Variants in CCSER1 observed in about 807,000 individuals in gnomAD.
The protein encoded by CCSER1 is coiled-coil serine rich protein 1.
Under a neutral mutation model 82.0 loss-of-function variants are expected in CCSER1, and 41 were observed. That is an observed-to-expected ratio of 0.50 (90% CI 0.39 to 0.65). The LOEUF is 0.65. CCSER1 is among the 30% of genes least tolerant of loss of function. CCSER1 has a pLI of 0.00. For missense variants in CCSER1, 1,119 were observed against 1,064.2 expected, an observed-to-expected ratio of 1.05 and a Z score of -0.72; for synonymous variants, 414 against 383.9, an observed-to-expected ratio of 1.08 and a Z score of -0.92.
intron 5 of CCSER1, among the ~76,000 whole-genome samples, chr4:90,567,593 A>C (rs1367325396): frequency 6.9e-6 from 1 of 145,526 alleles, no homozygotes; most frequent in African/African-American, 2.6e-5. Context: ...CCCAGCCAGA[A>C]ATTTTTTTTT....
intron 1 of CCSER1, among the ~76,000 whole-genome samples, chr4:90,208,564 C>T (rs1739363211): frequency 6.6e-6 from 1 of 152,028 alleles, no homozygotes; most frequent in African/African-American, 2.4e-5. Flanking sequence ...AAAAAAACTC[C>T]TGCAGCTAGC....
At chr4:90,410,350 A>G (rs561301916) in intron 4 of CCSER1, among the ~76,000 whole-genome samples, 8 of 152,248 alleles carry the variant, frequency 5.3e-5, no homozygotes, top group East Asian at 1.9e-4. Context: ...ACCACACCAC[A>G]CCTATTCCAA....
chr4:91,342,228 G>A (rs947130177), intron 10 of CCSER1, among the ~76,000 whole-genome samples: 1 of 152,114 alleles, frequency 6.6e-6, no homozygotes, highest in Admixed American at 6.5e-5. Flanking sequence ...ACCCAGAGAG[G>A]TTTACTAAGT....
chr4:90,832,685 T>C (rs1189750999), intron 8 of CCSER1, among the ~76,000 whole-genome samples: 1 of 152,200 alleles, frequency 6.6e-6, no homozygotes, highest in Non-Finnish European at 1.5e-5. Flanking sequence ...TTAGAAATGT[T>C]TGACAATTAA....
chr4:91,123,831 T>C (rs1354014484), intron 10 of CCSER1, among the ~76,000 whole-genome samples: 1 of 151,860 alleles, frequency 6.6e-6, no homozygotes, highest in Non-Finnish European at 1.5e-5. Context: ...CAGATTTATA[T>C]ATTTATGAAA....
At chr4:90,141,047 T>TCTATCTATCTAG (rs1724697133) in intron 1 of CCSER1, among the ~76,000 whole-genome samples, 1 of 151,668 alleles carries the variant, frequency 6.6e-6, no homozygotes, top group African/African-American at 2.4e-5. Context: ...TATCTATCTA[T>TCTATCTATCTAG]CTATCTATCT....
chr4:90,628,783 T>G (rs917635487), intron 6 of CCSER1, among the ~76,000 whole-genome samples: 7 of 152,282 alleles, frequency 4.6e-5, no homozygotes, highest in Non-Finnish European at 1.0e-4. Flanking sequence ...GGAAAATGCA[T>G]AATGAGATTC....
chr4:91,217,432 C>T (rs1737337908), intron 10 of CCSER1, among the ~76,000 whole-genome samples: 2 of 152,218 alleles, frequency 1.3e-5, no homozygotes, highest in Admixed American at 6.5e-5. Context: ...ACAGGTTCTC[C>T]AAGGCCCCAC....
At chr4:91,446,672 A>ATATATATATATATATATAT (rs1553938715) in intron 10 of CCSER1, among the ~76,000 whole-genome samples, 2 of 72,542 alleles carry the variant, frequency 2.8e-5, no homozygotes, top group African/African-American at 2.0e-4. Flanking sequence ...ATTTTAAATA[A>ATATATATATATATATATAT]ATAAATATAT....
At position 90,923,360 on chromosome 4, in the gene CCSER1, C is replaced by T; in HGVS notation, c.2095-10C>T. On this transcript the variant is annotated splice_polypyrimidine_tract_variant and intron_variant, in intron 8 of 10. Coordinates refer to ENST00000509176, the MANE Select transcript of CCSER1 (RefSeq NM_001145065.2). ...CAACAATGTGTTGTTGCTGTTTTTTCATTTTGCAGGGAAAAGTCCGGCATT... is the reference window on the plus strand; with the variant it reads ...CAACAATGTGTTGTTGCTGTTTTTTTATTTTGCAGGGAAAAGTCCGGCATT... 1 of 1,548,694 alleles carries T rather than the reference C, an allele frequency of 6.5e-7. No individual in the cohort carries two copies. Among genetic ancestry groups the T allele is most frequent in the South Asian group, 1.2e-5 (1 of 83,974 alleles).
intron 10 of CCSER1, among the ~76,000 whole-genome samples, chr4:91,483,644 C>T (rs1758065278): frequency 6.6e-6 from 1 of 152,072 alleles, no homozygotes. Flanking sequence ...CCATGTTGGT[C>T]AGGCTGGTCT....
intron 5 of CCSER1, among the ~76,000 whole-genome samples, chr4:90,611,628 C>G (rs2148824640): frequency 6.6e-6 from 1 of 150,844 alleles, no homozygotes; most frequent in Middle Eastern, 3.4e-3. Context: ...ATTAATAAGC[C>G]AAACCTCTTA....
chr4:91,068,474 T>A (rs945865942), intron 9 of CCSER1, among the ~76,000 whole-genome samples: 2 of 152,190 alleles, frequency 1.3e-5, no homozygotes, highest in African/African-American at 4.8e-5. Flanking sequence ...ATAAACACAT[T>A]TAATAAAGTA....
At chr4:91,513,179 G>C (rs1264770312) in intron 10 of CCSER1, among the ~76,000 whole-genome samples, 1 of 151,930 alleles carries the variant, frequency 6.6e-6, no homozygotes, top group Non-Finnish European at 1.5e-5. Context: ...TATCATGGAG[G>C]GATTTTGGAT....
intron 10 of CCSER1, among the ~76,000 whole-genome samples, chr4:91,252,030 C>T (rs958781764): frequency 2.0e-5 from 3 of 152,156 alleles, no homozygotes; most frequent in Non-Finnish European, 4.4e-5. Context: ...GACACATACA[C>T]ATTATAATCA....
chr4:90,834,174 C>G (rs1282986155), intron 8 of CCSER1, among the ~76,000 whole-genome samples: 1 of 152,180 alleles, frequency 6.6e-6, no homozygotes, highest in Non-Finnish European at 1.5e-5. Flanking sequence ...CTGTAAGATT[C>G]CAGCAATCAG....
chr4:91,588,143 A>C (rs1764097316), intron 10 of CCSER1, among the ~76,000 whole-genome samples: 1 of 151,476 alleles, frequency 6.6e-6, no homozygotes, highest in Non-Finnish European at 1.5e-5. Flanking sequence ...AAGGATGACT[A>C]ACTTTGAAGC....
chr4:90,825,731 CTTTT>C (rs747896341), intron 8 of CCSER1, among the ~76,000 whole-genome samples: 1 of 124,296 alleles, frequency 8.0e-6, no homozygotes, highest in Admixed American at 8.4e-5. Context: ...TTTGTTGTTG[CTTTT>C]TTTTTTTTTT....
At chr4:90,504,255 G>A (rs1028151829) in intron 5 of CCSER1, among the ~76,000 whole-genome samples, 31 of 152,086 alleles carry the variant, frequency 2.0e-4, no homozygotes, top group African/African-American at 7.2e-4. Context: ...CTTGAAAAAT[G>A]CTTGGACTTA....
Sources: allele counts gnomAD v4.1 joint callset (sites outside exome capture counted in the v4.1 genomes callset), GRCh38; gene constraint gnomAD v4.1.1; transcripts MANE v1.5; gene names NCBI Gene and HGNC (gene_info 2026-07-23, HGNC 2026-07-21).